KBTBD2: variants seen among roughly 807,000 people sequenced by gnomAD.
KBTBD2 encodes the protein kelch repeat and BTB domain containing 2.
KBTBD2 carries 17 observed loss-of-function variants against 57.1 expected under a neutral mutation model. The observed-to-expected ratio is 0.30, with a 90% CI of 0.20 to 0.45. KBTBD2 has a LOEUF of 0.45. Among genes scored for constraint, KBTBD2 ranks in the 20% least tolerant of loss-of-function variants. KBTBD2 has a pLI of 1.00. For missense variants in KBTBD2, 515 were observed against 750.6 expected (o/e 0.69, Z 3.67); for synonymous variants, 267 against 262.7 (o/e 1.02, Z -0.16).
In KBTBD2 at chr7:32,870,722, A is replaced by G. The variant is rs759108518; in HGVS notation, c.495T>C (p.His165=). 6.2e-7 allele frequency: 1 copy of G among 1,614,222 alleles called. No homozygotes were observed. Among genetic ancestry groups the G allele is most frequent in the Admixed American group, 1.7e-5 (1 of 60,024 alleles). ...MVEHKFTAVY[H]QDAFMQLSHD... ...GTGACAGCTGCATGAACGCGTCCTG[A>G]TGATACACAGCAGTGAACTTGTGCT... is the stretch of plus-strand genomic sequence containing the variant. Residue 165 remains histidine, a synonymous_variant, in exon 4 of 4, where the codon CAT becomes CAC. Coordinates refer to ENST00000304056, the MANE Select transcript of KBTBD2 (RefSeq NM_015483.3).
Position 32,891,687 on chromosome 7 carries a change from G to C in KBTBD2, c.-490C>G, listed in dbSNP as rs1158251908. The C allele has an allele frequency of 1.3e-5, 2 of 151,134 alleles. No individual in the cohort carries two copies. The highest frequency in any genetic ancestry group is 2.4e-5 in the African/African-American group (1 of 41,168). 9.4% of individuals were successfully genotyped at this position (151,134 alleles called of 1,614,324 possible). The stretch of plus-strand genomic sequence containing the variant: ...CCTCCGGCCGAGGAAGGCTGGCGCC[G>C]CCGCCTCTTCCTTCCGGTTTCCCCT... On this transcript the variant is annotated 5_prime_UTR_variant, in exon 1 of 4. Transcript: ENST00000304056.
intron 1 of KBTBD2, among the ~76,000 whole-genome samples, chr7:32,886,474 C>G (rs1157876513): frequency 6.6e-6 from 1 of 152,166 alleles, no homozygotes; most frequent in African/African-American, 2.4e-5. Context: ...AAATCTGAAA[C>G]TCTTCCCACA....
At chr7:32,884,972 G>A (rs1052833315) in intron 1 of KBTBD2, among the ~76,000 whole-genome samples, 10 of 130,552 alleles carry the variant, frequency 7.7e-5, no homozygotes, top group African/African-American at 2.1e-4. Context: ...GTGTGTATGT[G>A]TGTGTATATA....
rs564139442 is a variant in KBTBD2, at chr7:32,876,823, G to A, written c.171-1666C>T. 1.0e-3 allele frequency among the ~76,000 whole-genome samples: 156 copies of A among 152,094 alleles called. 1 individual carries two copies. The highest frequency in any genetic ancestry group is 3.4e-3 in the Middle Eastern group (1 of 294). ...AATACAAAAATTTGCTGGGCGTGGT[G>A]GCAGGTGCCTGTAATCCCAACTACT... On this transcript the variant is annotated intron_variant, in intron 2 of 3. Coordinates refer to ENST00000304056, the MANE Select transcript of KBTBD2 (RefSeq NM_015483.3).
chr7:32,874,901 G>T, intron 3 of KBTBD2, 91 bp downstream of exon 3: 1 of 998,564 alleles, frequency 1.0e-6, no homozygotes, highest in Non-Finnish European at 1.5e-6. Context: ...AACCTGGGAG[G>T]CGGAGGTTGC....
rs1784088585 is a variant in KBTBD2, at chr7:32,868,718, A to C, written c.*627T>G. The C allele has an allele frequency of 6.5e-6, 1 of 152,680 alleles. No homozygotes were observed. The highest frequency in any genetic ancestry group is 2.1e-4 in the South Asian group (1 of 4,834). 9.5% of individuals were successfully genotyped at this position (152,680 alleles called of 1,614,324 possible). A position where few individuals can be genotyped will look rare whatever the true frequency, so the allele number is the denominator to read the frequency against. Reference sequence around the variant, plus strand: ...CCTGGTAAATGACCAGCTGACTGGAAGACCTGTATTCTAGATAGACAAGTA... The same window carrying C: ...CCTGGTAAATGACCAGCTGACTGGACGACCTGTATTCTAGATAGACAAGTA... On this transcript the variant is annotated 3_prime_UTR_variant, in exon 4 of 4. Coordinates refer to ENST00000304056, the MANE Select transcript of KBTBD2 (RefSeq NM_015483.3).
chr7:32,884,993 CAT>C (rs199650189), intron 1 of KBTBD2, among the ~76,000 whole-genome samples: 3,807 of 101,346 alleles, frequency 0.038, 197 homozygotes, highest in East Asian at 0.23. Context: ...TATATATACA[CAT>C]ATATGTGTAT....
rs62000439 is a variant in KBTBD2 at position 32,870,023 on chromosome 7, G to A, written c.1194C>T (p.Thr398=). ...DSVGGELNRR[T]VERYDTEKDE... ...CTTTCTCAGTGTCGTATCTTTCTAC[G>A]GTCCTCCGATTAAGTTCTCCACCTA... The change falls in exon 4 of 4, where the codon ACC becomes ACT. Residue 398 remains threonine, a synonymous_variant. Transcript: ENST00000304056. The A allele has an allele frequency of 2.4e-3, 3,944 of 1,613,998 alleles. 70 individuals are homozygous for A. The African/African-American group carries it at 0.045, about 18-fold the overall frequency.
chr7:32,887,285 A>G (rs1784603373), intron 1 of KBTBD2, among the ~76,000 whole-genome samples: 1 of 152,248 alleles, frequency 6.6e-6, no homozygotes, highest in Non-Finnish European at 1.5e-5. Context: ...CAAAGTTTCC[A>G]TTGGACAGGA....
intron 1 of KBTBD2, among the ~76,000 whole-genome samples, chr7:32,883,004 A>G (rs1469740352): frequency 6.6e-6 from 1 of 152,082 alleles, no homozygotes; most frequent in African/African-American, 2.4e-5. Flanking sequence ...ACAAAACAAA[A>G]ACAAAAAATA....
chr7:32,875,191 G>A, intron 2 of KBTBD2, 34 bp from the exon 3 acceptor site: 1 of 1,590,524 alleles, frequency 6.3e-7, no homozygotes, highest in Non-Finnish European at 8.6e-7. Context: ...AAGTTGTAAG[G>A]GTTTTGTGTA....
At chr7:32,884,383 T>A (rs1217538689) in intron 1 of KBTBD2, among the ~76,000 whole-genome samples, 1 of 114,578 alleles carries the variant, frequency 8.7e-6, no homozygotes, top group East Asian at 2.6e-4. Context: ...CTCTAAAATT[T>A]TTAATTTAAA....
chr7:32,886,090 A>G (rs1784574808), intron 1 of KBTBD2, among the ~76,000 whole-genome samples: 1 of 151,840 alleles, frequency 6.6e-6, no homozygotes, highest in African/African-American at 2.4e-5. Flanking sequence ...TCACATTTTT[A>G]GTAGAGATGG....
chr7:32,887,669 T>C (rs1216886348), intron 1 of KBTBD2, among the ~76,000 whole-genome samples: 3 of 152,226 alleles, frequency 2.0e-5, no homozygotes, highest in Admixed American at 6.5e-5. Flanking sequence ...ATGCTACAAA[T>C]GTCAATAGAG....
chr7:32,888,936 A>C lies in KBTBD2; in HGVS notation c.-339+2600T>G, dbSNP rs144842502. 4.1e-3 allele frequency among the ~76,000 whole-genome samples: 629 copies of C among 152,308 alleles called. 4 individuals carry two copies. Among genetic ancestry groups the C allele is most frequent in the South Asian group, 0.013 (64 of 4,830 alleles). On this transcript the variant is annotated intron_variant, in intron 1 of 3. Transcript: ENST00000304056. ...AAGGCAATGCCACCTGCGATACAAT[A>C]ATCATATGAGTATACTATGTCCTTT...
rs368999513 is a variant in KBTBD2 at position 32,876,409 on chromosome 7, G to T, written c.171-1252C>A. ...AGAAAATGAATTGGAAAGATGGAGA[G>T]CAGTCAGATCACAGAGGGCCTTTAA... On this transcript the variant is annotated intron_variant, in intron 2 of 3. Coordinates refer to ENST00000304056, the MANE Select transcript of KBTBD2 (RefSeq NM_015483.3). Among the ~76,000 whole-genome samples the T allele has an allele frequency of 4.0e-4, 61 of 152,314 alleles. No homozygotes were observed. In the East Asian group the frequency reaches 8.1e-3, roughly 20 times the overall value.
intron 1 of KBTBD2, among the ~76,000 whole-genome samples, chr7:32,883,095 G>A (rs1448087725): frequency 2.6e-5 from 4 of 152,158 alleles, no homozygotes; most frequent in Non-Finnish European, 5.9e-5. Context: ...GCTTGGCCAG[G>A]TGTGGTAACT....
intron 2 of KBTBD2, 124 bp from the exon 3 acceptor site, chr7:32,875,281 T>C (rs551213965): frequency 1.6e-3 from 1,400 of 887,170 alleles, no homozygotes; most frequent in Non-Finnish European, 2.2e-3. Flanking sequence ...AGAAACTTTT[T>C]CTTTTTTTGA....
At position 32,879,785 on chromosome 7, in the gene KBTBD2, T is replaced by C. The variant is rs1784403426; in HGVS notation, c.-181A>G. Reference sequence around the variant, plus strand: ...TGTTACACAGACTTAGAATCACTCCTAGGTCATCCTGTGTTAATTAGGTTC... The same window carrying C: ...TGTTACACAGACTTAGAATCACTCCCAGGTCATCCTGTGTTAATTAGGTTC... On this transcript the variant is annotated 5_prime_UTR_variant, in exon 2 of 4. An upstream open reading frame in the 5' UTR loses its in-frame stop. Coordinates refer to ENST00000304056, the MANE Select transcript of KBTBD2 (RefSeq NM_015483.3). 1 of 540,266 alleles carries C rather than the reference T, an allele frequency of 1.9e-6. No individual in the cohort carries two copies. The highest frequency in any genetic ancestry group is 3.2e-6 in the Non-Finnish European group (1 of 309,732). 33.5% of individuals were successfully genotyped at this position (540,266 alleles called of 1,614,324 possible).
Sources: gnomAD v4.1 joint callset for allele counts (sites outside exome capture counted in the v4.1 genomes callset) on GRCh38, gnomAD v4.1.1 for gene constraint, MANE v1.5 for transcripts, NCBI Gene and HGNC (gene_info 2026-07-23, HGNC 2026-07-21) for gene names.